ZMAT3: variants seen among roughly 807,000 people sequenced by gnomAD.
ZMAT3 encodes zinc finger matrin-type protein 3.
In ZMAT3, 17 loss-of-function variants were observed where a neutral mutation model predicts 32.3. The observed-to-expected ratio is 0.53, with a 90% CI of 0.36 to 0.79. ZMAT3 has a LOEUF of 0.79. Ranked by LOEUF, ZMAT3 falls within the 30% of genes least tolerant of loss-of-function variation. The pLI is 0.00. For missense variants in ZMAT3, 329 were observed against 359.7 expected (o/e 0.91, Z 0.69); for synonymous variants, 120 against 133.1 (o/e 0.90, Z 0.68).
At chr3:179,049,892 T>C (rs1056308966) in intron 2 of ZMAT3, among the ~76,000 whole-genome samples, 1 of 143,514 alleles carries the variant, frequency 7.0e-6, no homozygotes, top group Non-Finnish European at 1.5e-5. Context: ...CTCGGGAGGC[T>C]GAGGCAGGAG....
chr3:179,045,155 G>A (rs1296911614), intron 2 of ZMAT3, among the ~76,000 whole-genome samples: 1 of 152,028 alleles, frequency 6.6e-6, no homozygotes, highest in Non-Finnish European at 1.5e-5. Flanking sequence ...GTGTGGCAAA[G>A]AATCCAAAAA....
chr3:179,049,203 T>C (rs1238055869), intron 2 of ZMAT3, among the ~76,000 whole-genome samples: 3 of 152,156 alleles, frequency 2.0e-5, no homozygotes, highest in Non-Finnish European at 4.4e-5. Flanking sequence ...ACAAATGAGA[T>C]AGACAGCAAT....
At chr3:179,045,988 T>C (rs2108563066) in intron 2 of ZMAT3, among the ~76,000 whole-genome samples, 1 of 152,322 alleles carries the variant, frequency 6.6e-6, no homozygotes, top group East Asian at 1.9e-4. Flanking sequence ...TCATGTGAAG[T>C]GGTTTAACTA....
intron 2 of ZMAT3, among the ~76,000 whole-genome samples, chr3:179,037,580 C>T (rs1044868690): frequency 9.2e-5 from 14 of 152,138 alleles, no homozygotes; most frequent in Non-Finnish European, 1.6e-4. Context: ...GACACAGCAC[C>T]CACAGAGATT....
At chr3:179,038,925 G>A (rs745993786) in intron 2 of ZMAT3, among the ~76,000 whole-genome samples, 1 of 152,266 alleles carries the variant, frequency 6.6e-6, no homozygotes, top group South Asian at 2.1e-4. Context: ...GCCTGGCTTG[G>A]CAGGTCCCAC....
chr3:179,068,018 A>C (rs750258085), intron 1 of ZMAT3, among the ~76,000 whole-genome samples: 3 of 152,128 alleles, frequency 2.0e-5, no homozygotes, highest in Non-Finnish European at 4.4e-5. Flanking sequence ...ATGGCTTTAT[A>C]GATTTGGCTT....
In ZMAT3 at chr3:179,024,620, C is replaced by T. The variant is rs1432183438; in HGVS notation, c.*397G>A. 1 of 174,242 alleles carries T rather than the reference C, an allele frequency of 5.7e-6. No homozygotes were observed. Among genetic ancestry groups the T allele is most frequent in the African/African-American group, 2.4e-5 (1 of 42,386 alleles). The allele number at this position is 174,242 out of a possible 1,614,324, so 10.8% of individuals were successfully genotyped here. A position where few individuals can be genotyped will look rare whatever the true frequency, so the allele number is the denominator to read the frequency against. On this transcript the variant is annotated 3_prime_UTR_variant, in exon 6 of 6. Transcript: ENST00000311417. Reference sequence around the variant, plus strand: ...TTTTTACTGTGATCTAAAAAGAATTCAGTACAATTCTTTAACAGTACATAA... The same window carrying T: ...TTTTTACTGTGATCTAAAAAGAATTTAGTACAATTCTTTAACAGTACATAA...
At chr3:179,067,445 C>G (rs780802243) in intron 2 of ZMAT3, 38 bp downstream of exon 2, 3 of 1,604,238 alleles carry the variant, frequency 1.9e-6, no homozygotes, top group Non-Finnish European at 2.6e-6. Flanking sequence ...CTGAAATGTT[C>G]ACCCTACTCA....
At chr3:179,034,426 T>G (rs1719471316) in intron 2 of ZMAT3, among the ~76,000 whole-genome samples, 1 of 152,178 alleles carries the variant, frequency 6.6e-6, no homozygotes, top group Non-Finnish European at 1.5e-5. Flanking sequence ...TCATCTATAC[T>G]CCTTCTTCCC....
At chr3:179,039,801 G>T (rs569413387) in intron 2 of ZMAT3, among the ~76,000 whole-genome samples, 6 of 152,254 alleles carry the variant, frequency 3.9e-5, no homozygotes, top group African/African-American at 1.4e-4. Context: ...GAGCATGTTC[G>T]AACCCATCGC....
At chr3:179,062,650 T>C (rs147605622) in intron 2 of ZMAT3, among the ~76,000 whole-genome samples, 5 of 152,286 alleles carry the variant, frequency 3.3e-5, no homozygotes, top group African/African-American at 1.2e-4. Flanking sequence ...CAACAAGGAT[T>C]GATTATTGGG....
intron 2 of ZMAT3, among the ~76,000 whole-genome samples, chr3:179,055,033 G>A (rs1720763902): frequency 6.6e-6 from 1 of 152,142 alleles, no homozygotes; most frequent in Non-Finnish European, 1.5e-5. Context: ...GAGAACACGA[G>A]GCTTGCCACC....
chr3:179,022,095 TAAG>T lies in ZMAT3; in HGVS notation c.*2919_*2921del, dbSNP rs1348303756. 1.3e-5 allele frequency: 2 copies of T among 152,164 alleles called. No homozygotes were observed. The highest frequency in any genetic ancestry group is 4.8e-5 in the African/African-American group (2 of 41,444). 9.4% of individuals were successfully genotyped at this position (152,164 alleles called of 1,614,324 possible). On this transcript the variant is annotated 3_prime_UTR_variant, in exon 6 of 6. Coordinates refer to ENST00000311417, the MANE Select transcript of ZMAT3 (RefSeq NM_022470.4). ...TTTTAGTGCAAAGAAATATAGCAAG[TAAG>T]AAATAACACTATAAATCTAACTTCT...
chr3:179,043,546 T>A (rs1056521108), intron 2 of ZMAT3, among the ~76,000 whole-genome samples: 25 of 152,304 alleles, frequency 1.6e-4, no homozygotes, highest in East Asian at 1.9e-4. Context: ...CTGGATCCCT[T>A]CCTTACTCCT....
rs867344146 is a variant in ZMAT3 at position 179,054,835 on chromosome 3, T to C, written c.270+12648A>G. Among the ~76,000 whole-genome samples the C allele has an allele frequency of 1.4e-4, 21 of 152,298 alleles. No homozygotes were observed. The South Asian group carries it at 1.5e-3, about 11-fold the overall frequency. ...GCGAGGCGCCCATTGCTGCTCCCAA[T>C]TGGGCTAAAGGCTTGCCATTGTTCC... On this transcript the variant is annotated intron_variant, in intron 2 of 5. Transcript: ENST00000311417.
At chr3:179,025,950 G>A (rs898224698) in intron 5 of ZMAT3, among the ~76,000 whole-genome samples, 17 of 152,028 alleles carry the variant, frequency 1.1e-4, no homozygotes, top group Admixed American at 3.9e-4. Flanking sequence ...CGCTTAGTTC[G>A]TTAACTTTAT....
chr3:179,051,502 G>C (rs1720555467), intron 2 of ZMAT3, among the ~76,000 whole-genome samples: 1 of 152,176 alleles, frequency 6.6e-6, no homozygotes, highest in East Asian at 1.9e-4. Flanking sequence ...AGAAATAACA[G>C]ATGACACAAA....
chr3:179,033,474 C>A (rs974962981), intron 2 of ZMAT3, among the ~76,000 whole-genome samples: 1 of 148,970 alleles, frequency 6.7e-6, no homozygotes, highest in African/African-American at 2.5e-5. Flanking sequence ...CCGAGAAACA[C>A]CCAAGAATGA....
At position 179,022,935 on chromosome 3, in the gene ZMAT3, G is replaced by GA. The variant is rs1378342795; in HGVS notation, c.*2081dup. 3.3e-5 allele frequency: 5 copies of GA among 152,026 alleles called. No homozygotes were observed. Among genetic ancestry groups the GA allele is most frequent in the Non-Finnish European group, 5.9e-5 (4 of 67,984 alleles). 9.4% of individuals were successfully genotyped at this position (152,026 alleles called of 1,614,324 possible). A position where few individuals can be genotyped will look rare whatever the true frequency, so the allele number is the denominator to read the frequency against. ...TTTTTTTTGCCTACAGAATTATCAA[G>GA]AAAAAATAGAAGTTTTACCTCTAAT... On this transcript the variant is annotated 3_prime_UTR_variant, in exon 6 of 6. Transcript: ENST00000311417.
Sources: allele counts gnomAD v4.1 joint callset (sites outside exome capture counted in the v4.1 genomes callset), GRCh38; gene constraint gnomAD v4.1.1; transcripts MANE v1.5; gene names NCBI Gene and HGNC (gene_info 2026-07-23, HGNC 2026-07-21).